The following NCKAP5 variants were observed in gnomAD, a reference collection of about 807,000 sequenced individuals.
NCKAP5 encodes NCK associated protein 5.
Under a neutral mutation model 167.0 loss-of-function variants are expected in NCKAP5, and 92 were observed. The ratio of observed to expected loss-of-function variants is 0.55; its 90% confidence interval spans 0.47 to 0.66. The LOEUF is 0.66. Ranked by LOEUF, NCKAP5 falls within the 30% of genes least tolerant of loss-of-function variation. The pLI is 0.00. For missense variants in NCKAP5, 2,378 were observed against 2,315.0 expected, an observed-to-expected ratio of 1.03 and a Z score of -0.56; for synonymous variants, 891 against 877.4, an observed-to-expected ratio of 1.02 and a Z score of -0.27.
chr2:133,372,854 C>T (rs1685890739), intron 3 of NCKAP5, among the ~76,000 whole-genome samples: 1 of 152,164 alleles, frequency 6.6e-6, no homozygotes, highest in African/African-American at 2.4e-5. Flanking sequence ...TGACTAGTTA[C>T]TATGACAGGC....
chr2:132,764,515 T>C (rs1291939033), intron 16 of NCKAP5, among the ~76,000 whole-genome samples: 1 of 152,224 alleles, frequency 6.6e-6, no homozygotes, highest in Non-Finnish European at 1.5e-5. Context: ...CAGTACCTCT[T>C]AAATGTTATT....
intron 3 of NCKAP5, among the ~76,000 whole-genome samples, chr2:133,318,607 C>A (rs116251529): frequency 5.3e-5 from 8 of 152,250 alleles, no homozygotes; most frequent in Admixed American, 3.9e-4. Context: ...GGGGCCAAAC[C>A]AAATATGTGA....
chr2:132,920,741 A>ATGTATG (rs1695299393), intron 8 of NCKAP5, among the ~76,000 whole-genome samples: 1 of 103,558 alleles, frequency 9.7e-6, no homozygotes, highest in Non-Finnish European at 1.8e-5. Flanking sequence ...ATGTATATAT[A>ATGTATG]TGTGTATATA....
chr2:133,128,352 G>T (rs1051685522), intron 6 of NCKAP5, among the ~76,000 whole-genome samples: 4 of 152,188 alleles, frequency 2.6e-5, no homozygotes, highest in Admixed American at 6.5e-5. Context: ...AGAAATGAAT[G>T]CAGATTGTCC....
intron 2 of NCKAP5, among the ~76,000 whole-genome samples, chr2:133,532,355 T>C (rs187223595): frequency 6.6e-6 from 1 of 152,228 alleles, no homozygotes; most frequent in African/African-American, 2.4e-5. Flanking sequence ...CTTTCTCATA[T>C]GGGGAAATCC....
chr2:133,515,634 C>T (rs538958472), intron 3 of NCKAP5, among the ~76,000 whole-genome samples: 1 of 152,222 alleles, frequency 6.6e-6, no homozygotes, highest in Non-Finnish European at 1.5e-5. Context: ...AGAAAGAATG[C>T]AAGCTCAATT....
At chr2:132,907,848 G>T (rs1574591122) in intron 8 of NCKAP5, among the ~76,000 whole-genome samples, 1 of 151,770 alleles carries the variant, frequency 6.6e-6, no homozygotes, top group East Asian at 1.9e-4. Context: ...TAGTAGAGAG[G>T]GGGTTTCACC....
intron 6 of NCKAP5, among the ~76,000 whole-genome samples, chr2:133,105,564 G>GT (rs1449255429): frequency 2.0e-5 from 3 of 152,122 alleles, no homozygotes; most frequent in Non-Finnish European, 4.4e-5. Flanking sequence ...GCCTTCGTCT[G>GT]TTTTTGCCAT....
At chr2:133,150,408 T>C (rs79063840) in intron 5 of NCKAP5, among the ~76,000 whole-genome samples, 3 of 152,250 alleles carry the variant, frequency 2.0e-5, no homozygotes, top group East Asian at 3.9e-4. Flanking sequence ...GGAGCATATA[T>C]ACTGAAGATA....
At chr2:133,210,937 A>G (rs1300462859) in intron 5 of NCKAP5, among the ~76,000 whole-genome samples, 1 of 152,094 alleles carries the variant, frequency 6.6e-6, no homozygotes, top group Non-Finnish European at 1.5e-5. Flanking sequence ...CCATCTCTCA[A>G]AGCATGAGTC....
the NCKAP5 span, among the ~76,000 whole-genome samples, chr2:133,625,301 C>G: frequency 9.5e-4 from 145 of 152,242 alleles, no homozygotes; most frequent in Admixed American, 1.6e-3. Flanking sequence ...CTTTAAGACA[C>G]TATACATATT....
chr2:133,149,660 C>T (rs1481091075), intron 5 of NCKAP5, among the ~76,000 whole-genome samples: 1 of 152,134 alleles, frequency 6.6e-6, no homozygotes, highest in Non-Finnish European at 1.5e-5. Flanking sequence ...AATCCTAATA[C>T]ATCACACTGC....
chr2:133,530,264 A>C (rs1243732767), intron 2 of NCKAP5, among the ~76,000 whole-genome samples: 1 of 152,144 alleles, frequency 6.6e-6, no homozygotes, highest in Non-Finnish European at 1.5e-5. Context: ...CAAGTAAAAA[A>C]AAAAATAAGC....
chr2:133,167,103 T>C (rs2084031370), intron 5 of NCKAP5, among the ~76,000 whole-genome samples: 1 of 152,192 alleles, frequency 6.6e-6, no homozygotes, highest in Non-Finnish European at 1.5e-5. Context: ...CCCCTACAAC[T>C]TCAGCTTCCC....
chr2:133,537,250 T>G (rs1269636208), intron 2 of NCKAP5, among the ~76,000 whole-genome samples: 1 of 152,126 alleles, frequency 6.6e-6, no homozygotes, highest in Non-Finnish European at 1.5e-5. Context: ...AACTTCATTC[T>G]TTATTTTCAA....
intron 6 of NCKAP5, among the ~76,000 whole-genome samples, chr2:133,096,224 C>T (rs572126949): frequency 1.3e-5 from 2 of 152,258 alleles, no homozygotes; most frequent in Admixed American, 1.3e-4. Context: ...GGCACAATGG[C>T]TCACACATGT....
At chr2:132,721,291 G>A (rs1026529125) in intron 19 of NCKAP5, among the ~76,000 whole-genome samples, 2 of 152,084 alleles carry the variant, frequency 1.3e-5, no homozygotes, top group African/African-American at 4.8e-5. Flanking sequence ...CTGGGTGACA[G>A]AACAAGACTC....
At chr2:132,828,248 G>T (rs1297721854) in intron 11 of NCKAP5, among the ~76,000 whole-genome samples, 2 of 152,156 alleles carry the variant, frequency 1.3e-5, no homozygotes, top group African/African-American at 4.8e-5. Context: ...AACAGGAACA[G>T]ACTAAGGCAC....
intron 4 of NCKAP5, among the ~76,000 whole-genome samples, chr2:133,257,327 C>T (rs1232096740): frequency 6.6e-6 from 1 of 152,174 alleles, no homozygotes; most frequent in South Asian, 2.1e-4. Context: ...AATATTCACA[C>T]TAATAACTAC....
Sources: allele counts gnomAD v4.1 joint callset (sites outside exome capture counted in the v4.1 genomes callset), GRCh38; gene constraint gnomAD v4.1.1; transcripts MANE v1.5; gene names NCBI Gene and HGNC (gene_info 2026-07-23, HGNC 2026-07-21).